The following KCNIP4 variants were observed in gnomAD, a reference collection of about 807,000 sequenced individuals.
KCNIP4 encodes the protein potassium voltage-gated channel interacting protein 4.
KCNIP4 carries 12 observed loss-of-function variants against 34.0 expected under a neutral mutation model. That is an observed-to-expected ratio of 0.35 (90% CI 0.23 to 0.57). The LOEUF (loss-of-function observed/expected upper bound fraction) is 0.57, where lower values mean the gene tolerates loss of function less well. Among genes scored for constraint, KCNIP4 ranks in the 20% least tolerant of loss-of-function variants. The probability of loss-of-function intolerance (pLI) is 0.83; values close to 1 mark genes in which losing one functional copy is unlikely to be tolerated. For synonymous variants in KCNIP4, 124 were observed against 102.2 expected (o/e 1.21, Z -1.29); for missense variants, 238 against 311.7 (o/e 0.76, Z 1.78).
intron 1 of KCNIP4, among the ~76,000 whole-genome samples, chr4:21,259,889 G>C (rs1368790770): frequency 3.6e-5 from 4 of 111,756 alleles, no homozygotes; most frequent in African/African-American, 1.7e-4. Context: ...CCAAGACTGT[G>C]TGTGTGTGTG....
intron 1 of KCNIP4, among the ~76,000 whole-genome samples, chr4:21,085,827 G>A (rs946351381): frequency 3.3e-5 from 5 of 152,168 alleles, no homozygotes; most frequent in Non-Finnish European, 5.9e-5. Flanking sequence ...GGACATGTGA[G>A]AAGCCCACCT....
intron 1 of KCNIP4, among the ~76,000 whole-genome samples, chr4:21,787,902 C>T (rs896120): frequency 0.11 from 16,088 of 151,862 alleles, 2,906 homozygotes; most frequent in African/African-American, 0.37. Context: ...GTGGGGGAAG[C>T]ATATACCAAT....
At chr4:20,976,617 T>C (rs976354869) in intron 1 of KCNIP4, among the ~76,000 whole-genome samples, 10 of 152,140 alleles carry the variant, frequency 6.6e-5, no homozygotes, top group Admixed American at 2.0e-4. Flanking sequence ...CGCCTTATTC[T>C]GCCTTCTCCC....
intron 8 of KCNIP4, chr4:20,731,372 C>A: frequency 1.0e-6 from 1 of 984,196 alleles, no homozygotes; most frequent in Non-Finnish European, 1.2e-6. Context: ...CTGTACCAGG[C>A]CTTAACAATT....
intron 1 of KCNIP4, among the ~76,000 whole-genome samples, chr4:20,903,173 AAC>A (rs1727357419): frequency 6.6e-6 from 1 of 152,308 alleles, no homozygotes; most frequent in South Asian, 2.1e-4. Context: ...AGGATCTGAA[AAC>A]ACTGCAAACT....
At chr4:21,296,824 G>A (rs1043066500) in intron 1 of KCNIP4, among the ~76,000 whole-genome samples, 3 of 151,850 alleles carry the variant, frequency 2.0e-5, no homozygotes, top group Non-Finnish European at 2.9e-5. Context: ...CAGTCTGGCC[G>A]GTGGGGGTGA....
chr4:21,449,623 A>T (rs1006134855), intron 1 of KCNIP4, among the ~76,000 whole-genome samples: 1 of 149,286 alleles, frequency 6.7e-6, no homozygotes, highest in Non-Finnish European at 1.5e-5. Flanking sequence ...AGAATAAGAA[A>T]ACTTATATAT....
chr4:21,257,309 T>C (rs1352959606), intron 1 of KCNIP4, among the ~76,000 whole-genome samples: 1 of 152,176 alleles, frequency 6.6e-6, no homozygotes, highest in Non-Finnish European at 1.5e-5. Context: ...TTTTCATTCA[T>C]TCATGTTTTG....
chr4:21,634,401 A>G (rs1745982197), intron 1 of KCNIP4, among the ~76,000 whole-genome samples: 1 of 151,984 alleles, frequency 6.6e-6, no homozygotes, highest in Admixed American at 6.6e-5. Flanking sequence ...TACACTTTAT[A>G]CTTTATATAA....
intron 1 of KCNIP4, among the ~76,000 whole-genome samples, chr4:20,988,061 T>C (rs1316418874): frequency 1.3e-5 from 2 of 149,262 alleles, no homozygotes; most frequent in Non-Finnish European, 3.0e-5. Flanking sequence ...TATAGTTCCC[T>C]GAAATAATTT....
At chr4:20,976,153 T>G (rs1030838211) in intron 1 of KCNIP4, among the ~76,000 whole-genome samples, 1 of 152,148 alleles carries the variant, frequency 6.6e-6, no homozygotes, top group African/African-American at 2.4e-5. Flanking sequence ...ATTACCTAAC[T>G]CAATGGTTCT....
intron 1 of KCNIP4, among the ~76,000 whole-genome samples, chr4:21,446,516 A>G (rs1474818552): frequency 2.6e-5 from 4 of 151,512 alleles, no homozygotes; most frequent in Non-Finnish European, 5.9e-5. Context: ...TCAGCAAACT[A>G]TCGCAAGCAC....
At chr4:21,346,548 C>A (rs1196670988) in intron 1 of KCNIP4, among the ~76,000 whole-genome samples, 1 of 151,628 alleles carries the variant, frequency 6.6e-6, no homozygotes, top group Non-Finnish European at 1.5e-5. Flanking sequence ...GTCTAAAGCA[C>A]AGTGCCTTAA....
intron 1 of KCNIP4, among the ~76,000 whole-genome samples, chr4:21,145,511 C>T (rs1189526607): frequency 6.6e-6 from 1 of 152,192 alleles, no homozygotes; most frequent in Non-Finnish European, 1.5e-5. Flanking sequence ...AGCTCAACTG[C>T]ATGAAAAGTG....
In KCNIP4 at chr4:21,948,663, C is replaced by A; in HGVS notation, c.-32G>T. 1 of 1,604,702 alleles carries A rather than the reference C, an allele frequency of 6.2e-7. No homozygotes were observed. The highest frequency in any genetic ancestry group is 8.5e-7 in the Non-Finnish European group (1 of 1,175,216). On this transcript the variant is annotated 5_prime_UTR_variant, in exon 1 of 9. Transcript: ENST00000382152. Reference sequence around the variant, plus strand: ...GGACGCAGGGTGCAGAAGCGAGACTCGAGAGTCCACCGGCCAGGGGCGTCT... The same window carrying A: ...GGACGCAGGGTGCAGAAGCGAGACTAGAGAGTCCACCGGCCAGGGGCGTCT...
chr4:21,191,840 G>A (rs1755670184), intron 1 of KCNIP4, among the ~76,000 whole-genome samples: 1 of 152,148 alleles, frequency 6.6e-6, no homozygotes, highest in South Asian at 2.1e-4. Flanking sequence ...ACAGCCAATG[G>A]TTTGGCACAT....
At chr4:21,266,827 G>A (rs1249218756) in intron 1 of KCNIP4, among the ~76,000 whole-genome samples, 2 of 152,178 alleles carry the variant, frequency 1.3e-5, no homozygotes, top group Non-Finnish European at 2.9e-5. Flanking sequence ...GTTTTATAGG[G>A]GAGAGTGATG....
At chr4:20,953,467 A>G (rs1256574167) in intron 1 of KCNIP4, among the ~76,000 whole-genome samples, 2 of 152,072 alleles carry the variant, frequency 1.3e-5, no homozygotes, top group Non-Finnish European at 2.9e-5. Context: ...AGATCACTTG[A>G]GCTCAGGAGT....
chr4:21,092,724 A>C (rs1262619654), intron 1 of KCNIP4, among the ~76,000 whole-genome samples: 1 of 152,174 alleles, frequency 6.6e-6, no homozygotes, highest in Non-Finnish European at 1.5e-5. Context: ...CAGGGAGCAT[A>C]CTCCATGACA....
Sources: allele counts gnomAD v4.1 joint callset (sites outside exome capture counted in the v4.1 genomes callset), GRCh38; gene constraint gnomAD v4.1.1; transcripts MANE v1.5; gene names NCBI Gene and HGNC (gene_info 2026-07-23, HGNC 2026-07-21).